Variants in AFTPH observed in about 807,000 individuals in gnomAD.
AFTPH encodes aftiphilin.
AFTPH carries 7 observed loss-of-function variants against 72.5 expected under a neutral mutation model. The observed-to-expected ratio is 0.10, with a 90% CI of 0.05 to 0.18. The LOEUF (loss-of-function observed/expected upper bound fraction) is 0.18. AFTPH is among the 10% of genes least tolerant of loss of function. AFTPH has a pLI of 1.00. For missense variants in AFTPH, 979 were observed against 1,060.5 expected (o/e 0.92, Z 1.07); for synonymous variants, 337 against 370.1 (o/e 0.91, Z 1.03).
chr2:64,576,267 C>T (rs998275435), intron 6 of AFTPH, among the ~76,000 whole-genome samples: 2 of 151,266 alleles, frequency 1.3e-5, no homozygotes, highest in African/African-American at 4.9e-5. Flanking sequence ...CTTCCTACGC[C>T]CCTAGCCTTT....
rs370856980 is a variant in AFTPH, at chr2:64,552,073, T to C, written c.599T>C (p.Leu200Pro). The stretch of plus-strand genomic sequence containing the variant: ...GTAAATCCTCAGGGAACAGATGATC[T>C]GGACAATGTAGCTGATTCAAAGGGA... The change falls in exon 2 of 9, where the codon CTG becomes CCG. Residue 200 changes from leucine to proline, a missense_variant. Around this residue, in one of 3 missense-constraint regions of AFTPH, gnomAD observed 498 missense variants for 467.6 expected, o/e 1.06. Transcript: ENST00000238856. 3.1e-6 allele frequency: 5 copies of C among 1,613,926 alleles called. No homozygotes were observed. In the African/African-American group the frequency reaches 6.7e-5, roughly 22 times the overall value.
chr2:64,559,012 C>G lies in AFTPH; in HGVS notation c.1935+5603C>G, dbSNP rs1335518806. Among the ~76,000 whole-genome samples, 2 of 152,164 alleles carry G rather than the reference C, an allele frequency of 1.3e-5. 1 individual carries two copies. The highest frequency in any genetic ancestry group is 3.8e-4 in the East Asian group (2 of 5,198). ...ATACGGAAAATGTGCAAACTCCACA[C>G]AGGTAGTGGCTGCAGCCAGGAATCA... On this transcript the variant is annotated intron_variant, in intron 2 of 8. Transcript: ENST00000238856.
chr2:64,551,953 ATGT>A (rs777255763), exon 2 of AFTPH: 48 of 1,613,498 alleles, frequency 3.0e-5, no homozygotes, highest in Middle Eastern at 3.3e-4. Context: ...ACTAATATGA[ATGT>A]TGTTCATCAA....
chr2:64,557,651 A>G (rs980452422), intron 2 of AFTPH, among the ~76,000 whole-genome samples: 2 of 152,192 alleles, frequency 1.3e-5, no homozygotes, highest in Non-Finnish European at 2.9e-5. Flanking sequence ...CTTAAACTGA[A>G]TATAACCAGT....
At chr2:64,526,917 TACTA>T (rs767175217) in intron 1 of AFTPH, among the ~76,000 whole-genome samples, 12 of 152,236 alleles carry the variant, frequency 7.9e-5, no homozygotes, top group Non-Finnish European at 1.8e-4. Context: ...GGCACACAGA[TACTA>T]AGTAACTTGC....
At chr2:64,531,751 TTAAAA>T (rs771273154) in intron 1 of AFTPH, among the ~76,000 whole-genome samples, 7 of 152,220 alleles carry the variant, frequency 4.6e-5, no homozygotes, top group Non-Finnish European at 8.8e-5. Context: ...TGGTCACATG[TTAAAA>T]TAATATTGTG....
chr2:64,549,567 C>T (rs1670903249), intron 1 of AFTPH, among the ~76,000 whole-genome samples: 1 of 151,792 alleles, frequency 6.6e-6, no homozygotes, highest in Non-Finnish European at 1.5e-5. Context: ...GCAATCTGCC[C>T]ACCTCAGCCT....
intron 6 of AFTPH, among the ~76,000 whole-genome samples, chr2:64,579,197 A>T (rs1009034039): frequency 1.8e-4 from 28 of 152,294 alleles, no homozygotes; most frequent in African/African-American, 6.3e-4. Context: ...TTGAGAATAG[A>T]TTGAAATCTT....
At chr2:64,549,764 C>T (rs1670918324) in intron 1 of AFTPH, among the ~76,000 whole-genome samples, 1 of 149,656 alleles carries the variant, frequency 6.7e-6, no homozygotes, top group Admixed American at 6.6e-5. Flanking sequence ...GGATTAAGAC[C>T]ATTGCTTGGC....
chr2:64,566,774 T>TA (rs200436619), intron 2 of AFTPH, among the ~76,000 whole-genome samples: 16,510 of 144,788 alleles, frequency 0.11, 2,521 homozygotes, highest in African/African-American at 0.34. Context: ...AAAAATACTT[T>TA]AAAAAAAAAA....
rs185065115 is a variant in AFTPH, at chr2:64,525,009, C to T, written c.-33+397C>T. Among the ~76,000 whole-genome samples, 58 of 152,344 alleles carry T rather than the reference C, an allele frequency of 3.8e-4. No homozygotes were observed. In the East Asian group the frequency reaches 0.011, roughly 28 times the overall value. On this transcript the variant is annotated intron_variant, in intron 1 of 8. Coordinates refer to ENST00000238856, the Ensembl canonical transcript of AFTPH. ...GCTTGGGCTTCTTCGCTCTCCTTCC[C>T]CCTCCCTCGTGACAGGTGTAAACAC...
rs1001710884 is a variant in AFTPH at position 64,556,755 on chromosome 2, C to T, written c.1935+3346C>T. On this transcript the variant is annotated intron_variant, in intron 2 of 8. Transcript: ENST00000238856. ...ATTCTTGCAAAATTAAAAAAATGTT[C>T]GTAGTCTAATTCTCAGCTGTGGGTC... is the stretch of plus-strand genomic sequence containing the variant. Among the ~76,000 whole-genome samples the T allele has an allele frequency of 7.2e-5, 11 of 152,252 alleles. No homozygotes were observed. The South Asian group carries it at 1.5e-3, about 20-fold the overall frequency.
At chr2:64,577,810 C>A (rs1462290085) in intron 6 of AFTPH, among the ~76,000 whole-genome samples, 1 of 152,178 alleles carries the variant, frequency 6.6e-6, no homozygotes, top group Non-Finnish European at 1.5e-5. Flanking sequence ...ACAGAGAAGT[C>A]CCTTGTACCC....
rs533876627 is a variant in AFTPH, at chr2:64,530,178, T to TC, written c.-33+5569dup. On this transcript the variant is annotated intron_variant, in intron 1 of 8. Transcript: ENST00000238856. ...CTCAACAACAACAAAAAAAAGCAAA[T>TC]CCCTCACTGTTACAGTTTATATAAT... Among the ~76,000 whole-genome samples, 47 of 152,058 alleles carry TC rather than the reference T, an allele frequency of 3.1e-4. 1 individual carries two copies. The highest frequency in any genetic ancestry group is 6.8e-3 in the Middle Eastern group (2 of 294).
intron 5 of AFTPH, among the ~76,000 whole-genome samples, chr2:64,570,501 GT>G (rs1442609769): frequency 2.6e-5 from 4 of 152,090 alleles, no homozygotes; most frequent in African/African-American, 9.7e-5. Context: ...ATTTTGATTT[GT>G]TTTGTGGGAT....
At chr2:64,529,832 T>C (rs779286024) in intron 1 of AFTPH, among the ~76,000 whole-genome samples, 27 of 152,060 alleles carry the variant, frequency 1.8e-4, no homozygotes, top group Non-Finnish European at 3.7e-4. Flanking sequence ...GGCCTTGTTA[T>C]GTTGCCCAGG....
In AFTPH at chr2:64,539,626, TTAG is replaced by T. The variant is rs561866272; in HGVS notation, c.-32-11813_-32-11811del. ...GAGTTGGAGCACAATTCAAGAGTGG[TTAG>T]TAGAATAAATGCCCCAGCAAGAATG... is the stretch of plus-strand genomic sequence containing the variant. On this transcript the variant is annotated intron_variant, in intron 1 of 8. Coordinates refer to ENST00000238856, the Ensembl canonical transcript of AFTPH. Among the ~76,000 whole-genome samples, 191 of 152,266 alleles carry T rather than the reference TTAG, an allele frequency of 1.3e-3. 2 individuals carry two copies. The highest frequency in any genetic ancestry group is 4.0e-3 in the African/African-American group (166 of 41,554).
chr2:64,542,548 C>G (rs1268346827), intron 1 of AFTPH, among the ~76,000 whole-genome samples: 1 of 152,150 alleles, frequency 6.6e-6, no homozygotes, highest in African/African-American at 2.4e-5. Context: ...TCACTGGACC[C>G]TTGAGCTTGT....
intron 2 of AFTPH, among the ~76,000 whole-genome samples, chr2:64,559,609 T>G (rs559364327): frequency 3.3e-5 from 5 of 152,314 alleles, no homozygotes; most frequent in African/African-American, 1.2e-4. Context: ...CTACCCACAT[T>G]AGGGAGGGCA....
Sources: allele counts gnomAD v4.1 joint callset (sites outside exome capture counted in the v4.1 genomes callset), GRCh38; gene constraint gnomAD v4.1.1; regional missense constraint gnomAD v4.1.1; transcripts MANE v1.5; gene names NCBI Gene and HGNC (gene_info 2026-07-23, HGNC 2026-07-21).